Variants in RERE observed in about 807,000 individuals in gnomAD.
The protein encoded by RERE is arginine-glutamic acid dipeptide repeats.
In RERE, 40 loss-of-function variants were observed where a neutral mutation model predicts 146.1. That is an observed-to-expected ratio of 0.27 (90% confidence interval 0.21 to 0.36). RERE has a LOEUF of 0.36. RERE is among the 10% of genes least tolerant of loss of function. The pLI, the probability that RERE is intolerant of heterozygous loss-of-function variation, is 1.00. For missense variants in RERE, 1,933 were observed against 2,138.7 expected (o/e 0.90, Z 1.90); for synonymous variants, 1,003 against 866.0 (o/e 1.16, Z -2.78).
intron 3 of RERE, among the ~76,000 whole-genome samples, chr1:8,617,724 T>C (rs1646871216): frequency 6.6e-6 from 1 of 152,184 alleles, no homozygotes; most frequent in Non-Finnish European, 1.5e-5. Context: ...CATGGCCTTT[T>C]CTGGGAGGTT....
chr1:8,725,383 T>C lies in RERE; in HGVS notation c.-144-68942A>G, dbSNP rs965071937. Among the ~76,000 whole-genome samples, 68 of 152,120 alleles carry C rather than the reference T, an allele frequency of 4.5e-4. 2 individuals carry two copies. Among genetic ancestry groups the C allele is most frequent in the Non-Finnish European group, 7.4e-5 (5 of 68,022 alleles). On this transcript the variant is annotated intron_variant, in intron 1 of 22. Coordinates refer to ENST00000400908, the MANE Select transcript of RERE (RefSeq NM_001042681.2). Reference sequence around the variant, plus strand: ...GAGTTTGAGACCAACCTGACCAACATGGTAAAGCCCCGTTTCTACTTAAAA... The same window carrying C: ...GAGTTTGAGACCAACCTGACCAACACGGTAAAGCCCCGTTTCTACTTAAAA...
intron 12 of RERE, among the ~76,000 whole-genome samples, chr1:8,400,222 A>ATATGTGCGTGTGTGTGTGTG (rs368219880): frequency 2.1e-5 from 3 of 140,062 alleles, no homozygotes; most frequent in Non-Finnish European, 4.6e-5. Context: ...CCTGTGTCAT[A>ATATGTGCGTGTGTGTGTGTG]TGTGTGTGTG....
At chr1:8,684,564 A>G (rs1639042658) in intron 1 of RERE, among the ~76,000 whole-genome samples, 2 of 152,246 alleles carry the variant, frequency 1.3e-5, no homozygotes, top group African/African-American at 2.4e-5. Flanking sequence ...CTAGAGATTT[A>G]AAAACAAACA....
intron 4 of RERE, among the ~76,000 whole-genome samples, chr1:8,559,296 A>AAAAAAAAAAAAAAAAAAAAAAAAAAAAAC (rs1646047587): frequency 6.9e-6 from 1 of 144,750 alleles, no homozygotes; most frequent in African/African-American, 2.5e-5. Flanking sequence ...AAAAAAAAAA[A>AAAAAAAAAAAAAAAAAAAAAAAAAAAAAC]AAAAAAAACA....
intron 1 of RERE, among the ~76,000 whole-genome samples, chr1:8,729,396 T>C (rs1397994795): frequency 8.8e-6 from 1 of 113,010 alleles, no homozygotes. Flanking sequence ...GGCTAATTTT[T>C]GTATTTTTAG....
chr1:8,559,279 T>A (rs1288249602), intron 4 of RERE, among the ~76,000 whole-genome samples: 3 of 2,048 alleles, frequency 1.5e-3, no homozygotes, highest in South Asian at 8.2e-3. Flanking sequence ...AAACTCCAGC[T>A]CAAAAAAAAA....
At chr1:8,522,365 A>G (rs1007753953) in intron 7 of RERE, among the ~76,000 whole-genome samples, 1 of 152,246 alleles carries the variant, frequency 6.6e-6, no homozygotes, top group Non-Finnish European at 1.5e-5. Context: ...TAACAAACAA[A>G]AAGTACCTGG....
intron 1 of RERE, among the ~76,000 whole-genome samples, chr1:8,788,576 G>A (rs1483287456): frequency 6.6e-6 from 1 of 151,718 alleles, no homozygotes; most frequent in Non-Finnish European, 1.5e-5. Flanking sequence ...TGTTGGCCAG[G>A]CTGGTCTCGA....
At chr1:8,508,828 C>T (rs896812262) in intron 7 of RERE, among the ~76,000 whole-genome samples, 153 bp from the exon 8 acceptor site, 3 of 152,214 alleles carry the variant, frequency 2.0e-5, no homozygotes, top group Admixed American at 6.5e-5. Context: ...TGTATACATA[C>T]ACCACCCACC....
chr1:8,642,879 G>A (rs1647198372), intron 2 of RERE, among the ~76,000 whole-genome samples: 1 of 152,184 alleles, frequency 6.6e-6, no homozygotes, highest in Non-Finnish European at 1.5e-5. Flanking sequence ...GAACAGCTGA[G>A]ACAATGCTAC....
intron 1 of RERE, among the ~76,000 whole-genome samples, chr1:8,713,239 T>C (rs1056223213): frequency 4.6e-5 from 7 of 152,180 alleles, no homozygotes. Flanking sequence ...GGGTTAAGAA[T>C]TGGTGCTTGC....
At chr1:8,456,660 T>C (rs1644456625) in intron 11 of RERE, among the ~76,000 whole-genome samples, 1 of 152,160 alleles carries the variant, frequency 6.6e-6, no homozygotes, top group Non-Finnish European at 1.5e-5. Context: ...TGGTCTAAGA[T>C]CCTGGTGGCC....
At chr1:8,444,038 G>A (rs1644286879) in intron 11 of RERE, among the ~76,000 whole-genome samples, 2 of 152,246 alleles carry the variant, frequency 1.3e-5, no homozygotes, top group African/African-American at 4.8e-5. Context: ...ACCTAGTGGA[G>A]CTGTGGGAAG....
At chr1:8,789,151 AAT>A (rs1453864364) in intron 1 of RERE, among the ~76,000 whole-genome samples, 2 of 150,724 alleles carry the variant, frequency 1.3e-5, no homozygotes, top group African/African-American at 2.4e-5. Flanking sequence ...TCTTGTATAA[AAT>A]ATGATACTAG....
chr1:8,734,159 A>T (rs1000557100), intron 1 of RERE, among the ~76,000 whole-genome samples: 1 of 152,188 alleles, frequency 6.6e-6, no homozygotes, highest in African/African-American at 2.4e-5. Context: ...GTTATTGTTG[A>T]CCCTTCTTGC....
intron 11 of RERE, 145 bp downstream of exon 11, chr1:8,465,780 C>T: frequency 1.4e-6 from 1 of 709,584 alleles, no homozygotes; most frequent in Non-Finnish European, 2.6e-6. Flanking sequence ...GGCTGAAGGG[C>T]CCCATCCTCC....
chr1:8,790,423 A>G (rs548058445), intron 1 of RERE, among the ~76,000 whole-genome samples: 3 of 152,358 alleles, frequency 2.0e-5, no homozygotes, highest in African/African-American at 7.2e-5. Context: ...TAGATTTAAT[A>G]CCACTAAGAG....
Position 8,361,805 on chromosome 1 carries a change from C to G in RERE, c.1974G>C (p.Thr658=), listed in dbSNP as rs768030557. ...KRQREKVASD[T]EEADRTSSKK... ...TGGAGCTGGTCCTGTCAGCCTCCTC[C>G]GTATCAGAGGCCACCTTCTCCCGCT... The change falls in exon 17 of 23, where the codon ACG becomes ACC. Residue 658 remains threonine, a synonymous_variant. Transcript: ENST00000400908. 6.2e-7 allele frequency: 1 copy of G among 1,614,064 alleles called. No individual in the cohort carries two copies. The highest frequency in any genetic ancestry group is 8.5e-7 in the Non-Finnish European group (1 of 1,179,912).
chr1:8,435,388 T>G (rs1049643658), intron 11 of RERE, among the ~76,000 whole-genome samples: 1 of 152,242 alleles, frequency 6.6e-6, no homozygotes, highest in Non-Finnish European at 1.5e-5. Flanking sequence ...AGAATGTATC[T>G]GGAGATGATT....
Sources: gnomAD v4.1 joint callset for allele counts (sites outside exome capture counted in the v4.1 genomes callset) on GRCh38, gnomAD v4.1.1 for gene constraint, MANE v1.5 for transcripts, NCBI Gene and HGNC (gene_info 2026-07-23, HGNC 2026-07-21) for gene names.